Variants in GRM1 observed in about 807,000 individuals in gnomAD.
GRM1 encodes the protein metabotropic glutamate receptor 1.
In GRM1, 33 loss-of-function variants were observed where a neutral mutation model predicts 90.9. That is an observed-to-expected ratio of 0.36 (90% confidence interval 0.28 to 0.49). The LOEUF is 0.49. Ranked by LOEUF, GRM1 falls within the 20% of genes least tolerant of loss-of-function variation. The pLI is 0.99. For missense variants in GRM1, 1,190 were observed against 1,534.3 expected, an observed-to-expected ratio of 0.78 and a Z score of 3.75; for synonymous variants, 700 against 613.2, an observed-to-expected ratio of 1.14 and a Z score of -2.09.
chr6:146,132,338 A>G (rs1776435976), intron 1 of GRM1, among the ~76,000 whole-genome samples: 1 of 152,246 alleles, frequency 6.6e-6, no homozygotes, highest in African/African-American at 2.4e-5. Flanking sequence ...GAGCCAATGA[A>G]GACTTACATT....
At chr6:146,270,834 CCTGCCTTT>C (rs143437472) in intron 2 of GRM1, among the ~76,000 whole-genome samples, 3,318 of 139,218 alleles carry the variant, frequency 0.024, 175 homozygotes, top group African/African-American at 0.073. Flanking sequence ...TGCCTGCCTG[CCTGCCTTT>C]CTTTCTTTTT....
At chr6:146,328,397 C>T (rs1277594518) in intron 3 of GRM1, among the ~76,000 whole-genome samples, 1 of 152,126 alleles carries the variant, frequency 6.6e-6, no homozygotes, top group African/African-American at 2.4e-5. Flanking sequence ...GATTAGTAGA[C>T]TCTTATTTGA....
intron 1 of GRM1, among the ~76,000 whole-genome samples, chr6:146,073,773 A>G (rs1454634364): frequency 6.6e-6 from 1 of 152,162 alleles, no homozygotes; most frequent in Non-Finnish European, 1.5e-5. Context: ...AAAAATAGCT[A>G]CAACTGAGCA....
chr6:146,221,305 CA>C (rs1318297623), intron 2 of GRM1, among the ~76,000 whole-genome samples: 2 of 152,094 alleles, frequency 1.3e-5, no homozygotes, highest in Non-Finnish European at 2.9e-5. Context: ...ACCAATCCGT[CA>C]CCTACATTAG....
chr6:146,171,762 C>G, intron 2 of GRM1: 1 of 290,112 alleles, frequency 3.4e-6, no homozygotes, highest in Non-Finnish European at 7.2e-6. Flanking sequence ...AAGAGCAAAG[C>G]TGAGGAGGTG....
intron 1 of GRM1, among the ~76,000 whole-genome samples, chr6:146,042,960 A>C (rs905119270): frequency 2.0e-5 from 3 of 151,970 alleles, no homozygotes; most frequent in Admixed American, 2.0e-4. Context: ...CTGATATTTA[A>C]CAGTGTCATC....
chr6:146,125,219 C>T (rs7772486), intron 1 of GRM1, among the ~76,000 whole-genome samples: 62,278 of 151,942 alleles, frequency 0.41, 13,096 homozygotes, highest in Middle Eastern at 0.57. Flanking sequence ...TCACTCCCAA[C>T]ACCCAAATAG....
chr6:146,101,099 A>G (rs1241944405), intron 1 of GRM1, among the ~76,000 whole-genome samples: 1 of 152,214 alleles, frequency 6.6e-6, no homozygotes. Context: ...TCTCATAAAA[A>G]AAAATTCAGG....
intron 7 of GRM1, among the ~76,000 whole-genome samples, chr6:146,432,975 A>C (rs762560247): frequency 6.6e-6 from 1 of 152,216 alleles, no homozygotes; most frequent in Non-Finnish European, 1.5e-5. Context: ...ACCAAGGCTC[A>C]ATGAGTAGAG....
chr6:146,079,901 T>TA (rs754635137), intron 1 of GRM1, among the ~76,000 whole-genome samples: 3 of 152,216 alleles, frequency 2.0e-5, no homozygotes, highest in Admixed American at 6.5e-5. Flanking sequence ...AAGAGGTTGT[T>TA]AAAGGTTTAA....
rs1554273698 is a variant in GRM1, at chr6:146,150,938, G to GCGCACA, written c.701-8409_701-8408insGCACAC. Among the ~76,000 whole-genome samples the GCGCACA allele has an allele frequency of 3.5e-3, 530 of 150,820 alleles. 2 individuals are homozygous for GCGCACA. Among genetic ancestry groups the GCGCACA allele is most frequent in the African/African-American group, 9.0e-3 (372 of 41,206 alleles). ...TATAAACACACACACGCGTGTGCGC[G>GCGCACA]CACACACACACACACACACACACAC... On this transcript the variant is annotated intron_variant, in intron 1 of 7. Transcript: ENST00000282753.
chr6:146,195,195 A>G (rs1466940995), intron 2 of GRM1, among the ~76,000 whole-genome samples: 1 of 152,254 alleles, frequency 6.6e-6, no homozygotes, highest in African/African-American at 2.4e-5. Flanking sequence ...AAACAGGAAC[A>G]GGAAGCTAAG....
At chr6:146,384,643 G>T (rs1776435557) in intron 5 of GRM1, among the ~76,000 whole-genome samples, 1 of 152,024 alleles carries the variant, frequency 6.6e-6, no homozygotes, top group African/African-American at 2.4e-5. Flanking sequence ...GTGGCAAAAT[G>T]TGTCACATTA....
At chr6:146,397,343 G>A (rs907534989) in intron 6 of GRM1, among the ~76,000 whole-genome samples, 5 of 151,460 alleles carry the variant, frequency 3.3e-5, no homozygotes, top group South Asian at 2.1e-4. Flanking sequence ...GCATGGTGGC[G>A]GGTGCCTGTA....
chr6:146,040,857 C>T (rs1791073159), intron 1 of GRM1, among the ~76,000 whole-genome samples: 1 of 151,824 alleles, frequency 6.6e-6, no homozygotes, highest in African/African-American at 2.4e-5. Context: ...TTCTCAACTC[C>T]TTCTTGAAGG....
intron 1 of GRM1, among the ~76,000 whole-genome samples, chr6:146,116,890 AT>A (rs1775770615): frequency 6.6e-6 from 1 of 151,916 alleles, no homozygotes; most frequent in African/African-American, 2.4e-5. Flanking sequence ...ATTTTATCTA[AT>A]TTTTAAGCAC....
In GRM1 at chr6:146,356,848, A is replaced by G. The variant is rs972967231; in HGVS notation, c.1434-678A>G. On this transcript the variant is annotated intron_variant, in intron 4 of 7. Transcript: ENST00000282753. ...CATGATGTTTTGATATACTGTATGTATATAGTAATGATTACTATAGTGAAG... is the reference window on the plus strand; with the variant it reads ...CATGATGTTTTGATATACTGTATGTGTATAGTAATGATTACTATAGTGAAG... Among the ~76,000 whole-genome samples the G allele has an allele frequency of 1.2e-4, 19 of 152,302 alleles. No individual in the cohort carries two copies. The South Asian group carries it at 3.1e-3, about 25-fold the overall frequency.
At chr6:146,253,304 G>A (rs1322883573) in intron 2 of GRM1, among the ~76,000 whole-genome samples, 6 of 152,080 alleles carry the variant, frequency 3.9e-5, no homozygotes, top group African/African-American at 1.4e-4. Flanking sequence ...CTGTACTATA[G>A]GATGGAGGGA....
At chr6:146,416,959 G>A (rs1158978735) in intron 7 of GRM1, among the ~76,000 whole-genome samples, 3 of 152,174 alleles carry the variant, frequency 2.0e-5, no homozygotes, top group Non-Finnish European at 4.4e-5. Flanking sequence ...ACCACCAAGT[G>A]TCAGTCTCAC....
Sources: gnomAD v4.1 joint callset for allele counts (sites outside exome capture counted in the v4.1 genomes callset) on GRCh38, gnomAD v4.1.1 for gene constraint, MANE v1.5 for transcripts, NCBI Gene and HGNC (gene_info 2026-07-23, HGNC 2026-07-21) for gene names.